The following VCPIP1 variants were observed in gnomAD, a reference collection of about 807,000 sequenced individuals.
The protein encoded by VCPIP1 is valosin containing protein interacting protein 1.
Under a neutral mutation model 85.0 loss-of-function variants are expected in VCPIP1, and 8 were observed. That is an observed-to-expected ratio of 0.09 (90% CI 0.06 to 0.17). The LOEUF is 0.17. VCPIP1 is among the 10% of genes least tolerant of loss of function. The pLI, the probability that VCPIP1 is intolerant of heterozygous loss-of-function variation, is 1.00. For synonymous variants in VCPIP1, 543 were observed against 544.5 expected (o/e 1.00, Z 0.04); for missense variants, 1,070 against 1,486.3 (o/e 0.72, Z 4.61).
In VCPIP1 at chr8:66,639,009, G is replaced by A. The variant is rs915832074; in HGVS notation, c.2798-3637C>T. On this transcript the variant is annotated intron_variant, in intron 2 of 2. Coordinates refer to ENST00000310421, the MANE Select transcript of VCPIP1 (RefSeq NM_025054.5). ...ATACATATATTTTGTGGGGGACAGG[G>A]TCTCACTCTGTCAACCAGGCTGGAG... 2.1e-5 allele frequency among the ~76,000 whole-genome samples: 3 copies of A among 143,522 alleles called. No individual in the cohort carries two copies. The East Asian group carries it at 6.0e-4, about 28-fold the overall frequency. 94.2% of individuals were successfully genotyped at this position (143,522 alleles called of 152,430 possible). A position where few individuals can be genotyped will look rare whatever the true frequency, so the allele number is the denominator to read the frequency against.
chr8:66,658,638 G>A (rs929174180), intron 1 of VCPIP1, among the ~76,000 whole-genome samples: 7 of 151,908 alleles, frequency 4.6e-5, no homozygotes, highest in East Asian at 3.9e-4. Context: ...ACAGGCGAGC[G>A]CCATCATGCC....
Position 66,663,407 on chromosome 8 carries a change from C to T in VCPIP1, c.2710+842G>A, listed in dbSNP as rs947847362. 4.6e-5 allele frequency among the ~76,000 whole-genome samples: 7 copies of T among 152,138 alleles called. 1 individual carries two copies. The highest frequency in any genetic ancestry group is 8.8e-5 in the Non-Finnish European group (6 of 68,026). On this transcript the variant is annotated intron_variant, in intron 1 of 2. Transcript: ENST00000310421. ...AAAATAAAACCCTTCCAGTAACTAA[C>T]ACATTTAAATTTTACTTCATACTTT... is the stretch of plus-strand genomic sequence containing the variant.
At chr8:66,639,731 C>T (rs1451175161) in intron 2 of VCPIP1, among the ~76,000 whole-genome samples, 1 of 151,898 alleles carries the variant, frequency 6.6e-6, no homozygotes, top group Non-Finnish European at 1.5e-5. Flanking sequence ...TAGATGTAAC[C>T]ATCTATATGT....
intron 1 of VCPIP1, among the ~76,000 whole-genome samples, chr8:66,657,931 T>C (rs963009939): frequency 4.6e-5 from 7 of 152,204 alleles, no homozygotes; most frequent in Non-Finnish European, 5.9e-5. Context: ...TATATACATT[T>C]ATCTTAAGAT....
At chr8:66,641,134 G>A (rs531620668) in intron 2 of VCPIP1, among the ~76,000 whole-genome samples, 3 of 152,278 alleles carry the variant, frequency 2.0e-5, no homozygotes, top group Non-Finnish European at 4.4e-5. Flanking sequence ...CTGCTGACCT[G>A]TGTGCTGCCT....
intron 2 of VCPIP1, among the ~76,000 whole-genome samples, chr8:66,638,179 T>C (rs1810907677): frequency 6.6e-6 from 1 of 151,982 alleles, no homozygotes; most frequent in Admixed American, 6.6e-5. Context: ...TACAGATGTA[T>C]CTGAAAAAGT....
intron 2 of VCPIP1, among the ~76,000 whole-genome samples, chr8:66,639,344 T>C (rs1326538460): frequency 6.9e-6 from 1 of 144,678 alleles, no homozygotes; most frequent in Admixed American, 6.9e-5. Context: ...TTTTTTTTTT[T>C]TTTGGTGTTG....
Position 66,665,891 on chromosome 8 carries a change from G to A in VCPIP1, c.1068C>T (p.Ile356=), listed in dbSNP as rs769015250. ...CAGCCCCTTTTATGCCTACCAAGGG[G>A]ATATAATGGTTTCTACCGGAGCTGC... is the stretch of plus-strand genomic sequence containing the variant. The part of the protein sequence containing the change: ...AWSSSGRNHY[I]PLVGIKGAAL... The change falls in exon 1 of 3, where the codon ATC becomes ATT. Residue 356 remains isoleucine (I), a synonymous_variant. Coordinates refer to ENST00000310421, the MANE Select transcript of VCPIP1 (RefSeq NM_025054.5). This position sits in a 1 kb window ranked among gnomAD's most constrained non-coding sequence, Gnocchi z 4.3. 2.4e-5 allele frequency: 38 copies of A among 1,614,050 alleles called. No individual in the cohort carries two copies. Among genetic ancestry groups the A allele is most frequent in the Non-Finnish European group, 3.1e-5 (37 of 1,180,038 alleles).
intron 1 of VCPIP1, among the ~76,000 whole-genome samples, chr8:66,661,870 T>C (rs1374682010): frequency 6.7e-6 from 1 of 149,914 alleles, no homozygotes; most frequent in African/African-American, 2.5e-5. Context: ...TTCACAAGAT[T>C]CTCCTGCCTC....
At chr8:66,648,442 CTA>C (rs1491369904) in intron 2 of VCPIP1, among the ~76,000 whole-genome samples, 2 of 152,112 alleles carry the variant, frequency 1.3e-5, no homozygotes, top group Non-Finnish European at 2.9e-5. Context: ...TTTATCTAAT[CTA>C]TCTAATCTAT....
chr8:66,655,672 T>G (rs1362696797), intron 1 of VCPIP1, among the ~76,000 whole-genome samples: 1 of 152,020 alleles, frequency 6.6e-6, no homozygotes, highest in African/African-American at 2.4e-5. Context: ...TCTTCAAGAA[T>G]CTAATAAAAC....
chr8:66,638,639 C>T (rs1005566054), intron 2 of VCPIP1, among the ~76,000 whole-genome samples: 4 of 151,894 alleles, frequency 2.6e-5, no homozygotes, highest in Admixed American at 1.3e-4. Flanking sequence ...ATTAGCCAGG[C>T]GTGGTGGCGG....
In VCPIP1 at chr8:66,666,968, C is replaced by A; in HGVS notation, c.-10G>T. On this transcript the variant is annotated 5_prime_UTR_variant, in exon 1 of 3. Transcript: ENST00000310421. The surrounding 1 kb of genome is among the most constrained non-coding windows in gnomAD (Gnocchi z 6.3). ...GCGGCGGCTGAGACATAGCTCCTGG[C>A]TCTCGTGTCTCGCTCCGCGTCCCAG... The A allele has an allele frequency of 6.5e-7, 1 of 1,532,638 alleles. No homozygotes were observed. 94.9% of individuals were successfully genotyped at this position (1,532,638 alleles called of 1,614,324 possible).
At chr8:66,640,108 C>T (rs934700126) in intron 2 of VCPIP1, among the ~76,000 whole-genome samples, 3 of 152,096 alleles carry the variant, frequency 2.0e-5, no homozygotes, top group East Asian at 1.9e-4. Flanking sequence ...TAATTTGCCA[C>T]ATGAATCTGT....
Position 66,635,855 on chromosome 8 carries a change from G to A in VCPIP1, c.2798-483C>T, listed in dbSNP as rs553412312. Among the ~76,000 whole-genome samples the A allele has an allele frequency of 1.1e-4, 17 of 149,940 alleles. No individual in the cohort carries two copies. In the South Asian group the frequency reaches 1.5e-3, roughly 13 times the overall value. On this transcript the variant is annotated intron_variant, in intron 2 of 2. Coordinates refer to ENST00000310421, the MANE Select transcript of VCPIP1 (RefSeq NM_025054.5). ...TTGAACCTGGGAGGCAGAGGTTGCA[G>A]TGAGCTGAGATTGCGGCACTGCACT...
At chr8:66,649,783 G>GTATGTA in intron 2 of VCPIP1, among the ~76,000 whole-genome samples, 1 of 152,152 alleles carries the variant, frequency 6.6e-6, no homozygotes, top group Middle Eastern at 3.4e-3. Context: ...TTGGTTACAT[G>GTATGTA]ACTATATATG....
chr8:66,644,794 TAA>T (rs112573575), intron 2 of VCPIP1, among the ~76,000 whole-genome samples: 21 of 137,388 alleles, frequency 1.5e-4, no homozygotes, highest in Non-Finnish European at 1.1e-4. Flanking sequence ...AAGGGCAATG[TAA>T]AAAAAAAAAA....
Position 66,666,855 on chromosome 8 carries a change from C to T in VCPIP1, c.104G>A (p.Gly35Glu). ...SSLASAAASG[G>E]LLKRRDRRIL... ...TCTCCGGTCTCTCCGCTTCAAAAGC[C>T]CCCCCGAAGCAGCCGCCGACGCCAA... The change falls in exon 1 of 3, where the codon GGG (glycine) becomes GAG (glutamate). Residue 35 changes from glycine to glutamate, a missense_variant. This residue lies in a region of VCPIP1 where 164 missense variants were observed against 158.6 expected (regional missense o/e 1.03). Transcript: ENST00000310421. The surrounding 1 kb of genome is among the most constrained non-coding windows in gnomAD (Gnocchi z 6.3). 1 of 1,613,318 alleles carries T rather than the reference C, an allele frequency of 6.2e-7. No individual in the cohort carries two copies. Among genetic ancestry groups the T allele is most frequent in the Non-Finnish European group, 8.5e-7 (1 of 1,179,930 alleles).
intron 2 of VCPIP1, among the ~76,000 whole-genome samples, chr8:66,637,727 T>C (rs1266224604): frequency 1.3e-5 from 2 of 151,912 alleles, no homozygotes; most frequent in African/African-American, 4.8e-5. Context: ...CCCAGCACTT[T>C]GGGAGGCTGA....
Sources: gnomAD v4.1 joint callset for allele counts (sites outside exome capture counted in the v4.1 genomes callset) on GRCh38, gnomAD v4.1.1 for gene constraint, gnomAD v4.1.1 regional missense constraint, Gnocchi (gnomAD v3.1) non-coding constraint, MANE v1.5 for transcripts, NCBI Gene and HGNC (gene_info 2026-07-23, HGNC 2026-07-21) for gene names.